The following NME8 variants were observed in gnomAD, a reference collection of about 807,000 sequenced individuals.
The protein encoded by NME8 is protein NME8.
NME8 carries 72 observed loss-of-function variants against 82.3 expected under a neutral mutation model. That is an observed-to-expected ratio of 0.87 (90% CI 0.72 to 1.06). The LOEUF (loss-of-function observed/expected upper bound fraction) is 1.06. Among genes scored for constraint, NME8 ranks in the 50% least tolerant of loss-of-function variants. The pLI is 0.00. For missense variants in NME8, 712 were observed against 685.4 expected (o/e 1.04, Z -0.43); for synonymous variants, 267 against 228.5 (o/e 1.17, Z -1.52).
chr7:37,850,912 A>T (rs1784430509), intron 5 of NME8, among the ~76,000 whole-genome samples, 177 bp downstream of exon 5: 1 of 152,162 alleles, frequency 6.6e-6, no homozygotes, highest in Admixed American at 6.5e-5. Context: ...AATGAATATG[A>T]TTTTTATCCC....
chr7:37,898,221 A>ATGATTGTACAGTGTACAG (rs1223442795), intron 17 of NME8, among the ~76,000 whole-genome samples: 5 of 152,202 alleles, frequency 3.3e-5, no homozygotes, highest in African/African-American at 7.2e-5. Flanking sequence ...ACAGTGTACA[A>ATGATTGTACAGTGTACAG]TGATTGTACA....
At chr7:37,864,492 C>G in intron 9 of NME8, 71 bp downstream of exon 9, 2 of 1,417,750 alleles carry the variant, frequency 1.4e-6, no homozygotes, top group East Asian at 5.1e-5. Context: ...AGTTCAAAGA[C>G]AAGCGTACCA....
chr7:37,852,966 G>A lies in NME8; in HGVS notation c.198+2231G>A, dbSNP rs147861730. 3.1e-3 allele frequency among the ~76,000 whole-genome samples: 473 copies of A among 152,290 alleles called. 2 individuals are homozygous for A. The highest frequency in any genetic ancestry group is 0.01 in the African/African-American group (422 of 41,566). On this transcript the variant is annotated intron_variant, in intron 5 of 17. Transcript: ENST00000199447. ...GCATTCTTACCAACAATGAATGAGA[G>A]TTTCTGTTGGTCCACATTCTCACCA...
chr7:37,894,759 C>G, intron 16 of NME8, 149 bp downstream of exon 16: 1 of 834,168 alleles, frequency 1.2e-6, no homozygotes, highest in Non-Finnish European at 1.8e-6. Context: ...CATCTTTTTT[C>G]TATTTCCTTA....
chr7:37,859,299 TG>T (rs1013747032), intron 6 of NME8, among the ~76,000 whole-genome samples: 2 of 152,132 alleles, frequency 1.3e-5, no homozygotes, highest in African/African-American at 4.8e-5. Flanking sequence ...CTCATAGCCA[TG>T]TTTCATCCAT....
intron 5 of NME8, among the ~76,000 whole-genome samples, chr7:37,853,408 A>T (rs1487056210): frequency 6.6e-6 from 1 of 152,212 alleles, no homozygotes; most frequent in Non-Finnish European, 1.5e-5. Context: ...ACAGAGAAGA[A>T]AAATCAAGTT....
rs764557467 is a variant in NME8 at position 37,884,404 on chromosome 7, G to T, written c.1096G>T (p.Glu366Ter). ...AGCACAAGCACTGTGCAAGGAATATGAAAATGAAGACTATTTTAATAAACT... is the reference window on the plus strand; with the variant it reads ...AGCACAAGCACTGTGCAAGGAATATTAAAATGAAGACTATTTTAATAAACT... ...KEAQALCKEY[E>*]NEDYFNKLIE... is the part of the protein sequence containing the mutation. Residue 366 changes from glutamate to a stop codon, truncating the protein, a stop_gained, in exon 13 of 18, where the codon GAA becomes TAA. Coordinates refer to ENST00000199447, the MANE Select transcript of NME8 (RefSeq NM_016616.5). LOFTEE classifies it high-confidence loss of function. 12 of 1,610,620 alleles carry T rather than the reference G, an allele frequency of 7.5e-6. No homozygotes were observed. The highest frequency in any genetic ancestry group is 1.7e-5 in the Admixed American group (1 of 60,002).
intron 17 of NME8, among the ~76,000 whole-genome samples, chr7:37,898,721 G>T (rs1218465809): frequency 6.6e-6 from 1 of 152,184 alleles, no homozygotes; most frequent in African/African-American, 2.4e-5. Context: ...GGGTGAAATT[G>T]TAAGTTATTC....
chr7:37,883,770 G>C (rs1483928549), intron 12 of NME8, among the ~76,000 whole-genome samples: 1 of 152,210 alleles, frequency 6.6e-6, no homozygotes. Flanking sequence ...GAAGGATGGA[G>C]GTGTGAGTAT....
intron 15 of NME8, 81 bp from the exon 16 acceptor site, chr7:37,894,385 T>C (rs1785184008): frequency 7.1e-7 from 1 of 1,403,786 alleles, no homozygotes; most frequent in Non-Finnish European, 1.0e-6. Context: ...AACTATCATT[T>C]TCCTTAGTTA....
rs376146893 is a variant in NME8, at chr7:37,877,794, C to G, written c.994+787C>G. ...TCACTAAAAGTCAGTATCATACCCC[C>G]CTTCCCCTCTGCCCCACCTCTCAAA... On this transcript the variant is annotated intron_variant, in intron 12 of 17. Coordinates refer to ENST00000199447, the MANE Select transcript of NME8 (RefSeq NM_016616.5). Among the ~76,000 whole-genome samples, 510 of 152,266 alleles carry G rather than the reference C, an allele frequency of 3.3e-3. 7 individuals are homozygous for G. Among genetic ancestry groups the G allele is most frequent in the African/African-American group, 0.012 (482 of 41,540 alleles).
chr7:37,868,867 T>C (rs568954969), intron 11 of NME8, among the ~76,000 whole-genome samples: 44 of 152,238 alleles, frequency 2.9e-4, no homozygotes, highest in African/African-American at 9.6e-4. Flanking sequence ...TATTAGAAAA[T>C]GGATATAAAT....
At chr7:37,882,564 AAAGAAAGAAAG>A (rs1784965912) in intron 12 of NME8, among the ~76,000 whole-genome samples, 1 of 28,786 alleles carries the variant, frequency 3.5e-5, no homozygotes, top group Non-Finnish European at 7.7e-5. Context: ...AGAAAGAAAG[AAAGAAAGAAAG>A]AAAGAAAGAA....
intron 14 of NME8, among the ~76,000 whole-genome samples, chr7:37,886,703 G>A (rs928318952): frequency 5.3e-5 from 8 of 152,090 alleles, no homozygotes; most frequent in African/African-American, 1.9e-4. Flanking sequence ...GCATTGAGTA[G>A]AGTAAGTGCT....
intron 12 of NME8, among the ~76,000 whole-genome samples, chr7:37,879,351 T>C (rs1305013042): frequency 6.6e-6 from 1 of 152,044 alleles, no homozygotes; most frequent in Non-Finnish European, 1.5e-5. Context: ...TTCCCCATGT[T>C]GGCCAGGGTA....
intron 8 of NME8, 132 bp downstream of exon 8, chr7:37,863,594 A>T (rs915156242): frequency 4.3e-6 from 3 of 691,500 alleles, no homozygotes; most frequent in Non-Finnish European, 8.0e-6. Flanking sequence ...ATAAATGATG[A>T]TTTGGGCCTT....
intron 14 of NME8, 114 bp downstream of exon 14, chr7:37,885,366 C>T: frequency 1.3e-6 from 1 of 752,330 alleles, no homozygotes; most frequent in South Asian, 1.5e-5. Context: ...CTCAGGAAAG[C>T]TACCTTTCCT....
chr7:37,899,087 G>A (rs1755110874), intron 17 of NME8, among the ~76,000 whole-genome samples: 1 of 152,174 alleles, frequency 6.6e-6, no homozygotes, highest in South Asian at 2.1e-4. Context: ...TTTATGTTGG[G>A]AGTGTAAATT....
intron 16 of NME8, among the ~76,000 whole-genome samples, chr7:37,896,026 T>TAC (rs1000572955): frequency 6.6e-6 from 1 of 152,036 alleles, no homozygotes; most frequent in African/African-American, 2.4e-5. Context: ...TGACTGTACA[T>TAC]ACACACACAC....
Sources: gnomAD v4.1 joint callset for allele counts (sites outside exome capture counted in the v4.1 genomes callset) on GRCh38, gnomAD v4.1.1 for gene constraint, MANE v1.5 for transcripts, NCBI Gene and HGNC (gene_info 2026-07-23, HGNC 2026-07-21) for gene names.